The following DGLUCY variants were observed in gnomAD, a reference collection of about 807,000 sequenced individuals.
DGLUCY encodes D-glutamate cyclase, mitochondrial.
A neutral mutation model predicts 58.5 loss-of-function variants in DGLUCY; 58 were observed. That is an observed-to-expected ratio of 0.99 (90% CI 0.80 to 1.23). The LOEUF (loss-of-function observed/expected upper bound fraction) is 1.23. Among genes scored for constraint, DGLUCY ranks in the 50% most tolerant of loss-of-function variants. The pLI, the probability that DGLUCY is intolerant of heterozygous loss-of-function variation, is 0.00. For missense variants in DGLUCY, 779 were observed against 784.7 expected (o/e 0.99, Z 0.09); for synonymous variants, 325 against 314.1 (o/e 1.03, Z -0.37).
At chr14:91,204,917 G>A in intron 12 of DGLUCY, 92 bp downstream of exon 12, 1 of 1,562,416 alleles carries the variant, frequency 6.4e-7, no homozygotes, top group South Asian at 1.1e-5. Flanking sequence ...CTTCTTCTCT[G>A]CAGTCAGTCC....
At chr14:91,104,044 C>T (rs994997620), upstream of DGLUCY, among the ~76,000 whole-genome samples, 37 of 141,972 alleles carry the variant, frequency 2.6e-4, no homozygotes, top group African/African-American at 8.8e-4. Context: ...ACATCTAGGG[C>T]AGTGTTTGAA....
chr14:91,082,309 T>C (rs995115059), intron 1 of DGLUCY, among the ~76,000 whole-genome samples: 1 of 152,218 alleles, frequency 6.6e-6, no homozygotes, highest in African/African-American at 2.4e-5. Flanking sequence ...GACCCAAGTG[T>C]AGCCAGTATG....
chr14:91,114,072 C>T (rs1188375796), upstream of DGLUCY: 1 of 152,340 alleles, frequency 6.6e-6, no homozygotes, highest in African/African-American at 2.4e-5. Context: ...CACGTGAGCT[C>T]AGGCTGTGGG....
chr14:91,182,714 T>A (rs1231825614), intron 8 of DGLUCY, among the ~76,000 whole-genome samples: 1 of 152,070 alleles, frequency 6.6e-6, no homozygotes, highest in Non-Finnish European at 1.5e-5. Context: ...TAGGATTACT[T>A]CTCCGGGGAT....
intron 1 of DGLUCY, among the ~76,000 whole-genome samples, chr14:91,097,757 T>G (rs1486994705): frequency 2.0e-5 from 3 of 149,316 alleles, no homozygotes; most frequent in African/African-American, 7.4e-5. Flanking sequence ...CACTGCAACC[T>G]CCATCTCCTG....
chr14:91,087,316 C>A (rs996355781), intron 1 of DGLUCY, among the ~76,000 whole-genome samples: 2 of 152,040 alleles, frequency 1.3e-5, no homozygotes, highest in African/African-American at 4.8e-5. Context: ...TACAGAACCC[C>A]CCCTGTCTGA....
intron 12 of DGLUCY, among the ~76,000 whole-genome samples, chr14:91,210,312 C>A (rs557040355): frequency 2.0e-5 from 3 of 152,088 alleles, no homozygotes; most frequent in Non-Finnish European, 4.4e-5. Context: ...CTTCAACACC[C>A]CTGTATCAGA....
intron 1 of DGLUCY, among the ~76,000 whole-genome samples, chr14:91,154,924 C>G (rs1206368090): frequency 6.6e-6 from 1 of 152,196 alleles, no homozygotes; most frequent in East Asian, 1.9e-4. Flanking sequence ...CCCGCCACCT[C>G]CTGCCTTGTG....
intron 1 of DGLUCY, among the ~76,000 whole-genome samples, chr14:91,138,174 A>G (rs1323167687): frequency 1.3e-5 from 2 of 152,160 alleles, no homozygotes; most frequent in Non-Finnish European, 2.9e-5. Context: ...ACCATGGGGT[A>G]TCAGACCATT....
chr14:91,102,630 A>G (rs1046903060), intron 1 of DGLUCY, among the ~76,000 whole-genome samples: 1 of 152,094 alleles, frequency 6.6e-6, no homozygotes, highest in Non-Finnish European at 1.5e-5. Flanking sequence ...AGGGTAAAAT[A>G]GGGGCTCACA....
intron 1 of DGLUCY, among the ~76,000 whole-genome samples, chr14:91,108,991 G>T (rs2044649185): frequency 6.6e-6 from 1 of 152,062 alleles, no homozygotes; most frequent in South Asian, 2.1e-4. Context: ...GGAACAGGGG[G>T]TATGGGAAGG....
At chr14:91,171,057 G>A (rs1225995444) in intron 5 of DGLUCY, among the ~76,000 whole-genome samples, 1 of 152,180 alleles carries the variant, frequency 6.6e-6, no homozygotes, top group East Asian at 1.9e-4. Flanking sequence ...GTGGGGATGG[G>A]ACCCCAGCCA....
intron 1 of DGLUCY, among the ~76,000 whole-genome samples, chr14:91,083,127 G>A (rs544365861): frequency 1.3e-5 from 2 of 152,202 alleles, no homozygotes; most frequent in Non-Finnish European, 2.9e-5. Flanking sequence ...ATGCCTACAT[G>A]TTGGGAATAG....
chr14:91,133,006 T>C (rs2046114570), intron 1 of DGLUCY, among the ~76,000 whole-genome samples: 1 of 152,002 alleles, frequency 6.6e-6, no homozygotes, highest in South Asian at 2.1e-4. Flanking sequence ...AATTTCATTC[T>C]TTTTTGGCTG....
chr14:91,188,313 C>A (rs911162316), intron 8 of DGLUCY, among the ~76,000 whole-genome samples: 1 of 152,154 alleles, frequency 6.6e-6, no homozygotes, highest in African/African-American at 2.4e-5. Flanking sequence ...GCGTCACTTC[C>A]ATCACGATCC....
chr14:91,185,292 T>C (rs931935626), intron 8 of DGLUCY, among the ~76,000 whole-genome samples: 1 of 138,724 alleles, frequency 7.2e-6, no homozygotes. Context: ...TTTTTTTTTT[T>C]TTTTTTTTGA....
intron 1 of DGLUCY, among the ~76,000 whole-genome samples, chr14:91,077,208 T>C (rs754281583): frequency 6.0e-5 from 9 of 150,670 alleles, no homozygotes; most frequent in Non-Finnish European, 1.0e-4. Flanking sequence ...ATCGTGCCAC[T>C]GCAGTCTGGG....
Position 91,199,921 on chromosome 14 carries a change from T to G in DGLUCY, c.1444+16T>G, listed in dbSNP as rs777776790. 1.2e-6 allele frequency: 2 copies of G among 1,614,046 alleles called. No homozygotes were observed. Among genetic ancestry groups the G allele is most frequent in the Admixed American group, 1.7e-5 (1 of 60,020 alleles). On this transcript the variant is annotated intron_variant, in intron 11 of 13. Coordinates refer to ENST00000256324, the MANE Select transcript of DGLUCY (RefSeq NM_001102368.3). ...TCATCAACTGGTAAGTATGGAGTAC[T>G]GGGGATGCACCAAGAACGTGGCCCC...
At chr14:91,117,780 A>G (rs2045073981) in intron 1 of DGLUCY, among the ~76,000 whole-genome samples, 2 of 152,178 alleles carry the variant, frequency 1.3e-5, no homozygotes. Context: ...GTTGGGATAC[A>G]GCTTGGTTTT....
Sources: allele counts gnomAD v4.1 joint callset (sites outside exome capture counted in the v4.1 genomes callset), GRCh38; gene constraint gnomAD v4.1.1; transcripts MANE v1.5; gene names NCBI Gene and HGNC (gene_info 2026-07-23, HGNC 2026-07-21).